VWA8: variants seen among roughly 807,000 people sequenced by gnomAD.
VWA8 encodes the protein von Willebrand factor A domain containing 8.
Under a neutral mutation model 241.5 loss-of-function variants are expected in VWA8, and 221 were observed. The observed-to-expected ratio is 0.91, with a 90% CI of 0.82 to 1.02. VWA8 has a LOEUF of 1.02. Ranked by LOEUF, VWA8 falls within the 50% of genes least tolerant of loss-of-function variation. The pLI is 0.00. For missense variants in VWA8, 2,322 were observed against 2,328.7 expected, an observed-to-expected ratio of 1.00 and a Z score of 0.06; for synonymous variants, 852 against 827.1, an observed-to-expected ratio of 1.03 and a Z score of -0.52.
At chr13:41,950,533 T>A (rs1878081588) in intron 1 of VWA8, among the ~76,000 whole-genome samples, 1 of 151,740 alleles carries the variant, frequency 6.6e-6, no homozygotes, top group South Asian at 2.1e-4. Flanking sequence ...CATGCCCAGC[T>A]AGCTTTTTGT....
At chr13:41,849,404 T>G (rs1163161887) in intron 12 of VWA8, among the ~76,000 whole-genome samples, 1 of 152,222 alleles carries the variant, frequency 6.6e-6, no homozygotes, top group African/African-American at 2.4e-5. Context: ...TTTTTCAATA[T>G]ATTTCCCACA....
At chr13:41,610,872 A>T (rs1170368418) in intron 39 of VWA8, among the ~76,000 whole-genome samples, 1 of 152,188 alleles carries the variant, frequency 6.6e-6, no homozygotes, top group African/African-American at 2.4e-5. Flanking sequence ...GTAGTGGCCC[A>T]GAACAGCTGG....
At chr13:41,624,950 C>G (rs189288900) in intron 37 of VWA8, among the ~76,000 whole-genome samples, 1 of 152,320 alleles carries the variant, frequency 6.6e-6, no homozygotes, top group Non-Finnish European at 1.5e-5. Flanking sequence ...GCTCCTAGAA[C>G]TGATAAACAA....
intron 12 of VWA8, among the ~76,000 whole-genome samples, chr13:41,863,635 T>A (rs116344519): frequency 4.0e-4 from 61 of 151,622 alleles, no homozygotes; most frequent in African/African-American, 1.5e-3. Flanking sequence ...TGGAAAACCA[T>A]GCAGCCATAA....
At chr13:41,772,329 G>A (rs908971153) in intron 20 of VWA8, among the ~76,000 whole-genome samples, 2 of 152,170 alleles carry the variant, frequency 1.3e-5, no homozygotes, top group African/African-American at 4.8e-5. Flanking sequence ...CTGGGAAGGT[G>A]GGGAAGGCAG....
intron 29 of VWA8, among the ~76,000 whole-genome samples, chr13:41,696,916 C>T (rs1266338628): frequency 6.6e-6 from 1 of 152,230 alleles, no homozygotes; most frequent in African/African-American, 2.4e-5. Context: ...TTTACATTCA[C>T]TCCCTTGGTG....
At position 41,657,531 on chromosome 13, in the gene VWA8, G is replaced by A. The variant is rs886388150; in HGVS notation, c.4611+13415C>T. Among the ~76,000 whole-genome samples the A allele has an allele frequency of 3.6e-4, 53 of 146,638 alleles. 1 individual carries two copies. Among genetic ancestry groups the A allele is most frequent in the Admixed American group, 3.3e-3 (48 of 14,486 alleles). ...GGAGTCTCACTCTGTCGCCCAGGCC[G>A]GACTGCGGACTGCAGTGGCACAATC... On this transcript the variant is annotated intron_variant, in intron 37 of 44. Transcript: ENST00000379310.
At chr13:41,822,870 T>A (rs1441956994) in intron 14 of VWA8, among the ~76,000 whole-genome samples, 2 of 152,128 alleles carry the variant, frequency 1.3e-5, no homozygotes, top group Admixed American at 1.3e-4. Context: ...ACACACTATG[T>A]GATTCCATTT....
At chr13:41,950,804 G>T (rs1295899407) in intron 1 of VWA8, among the ~76,000 whole-genome samples, 1 of 151,748 alleles carries the variant, frequency 6.6e-6, no homozygotes, top group Non-Finnish European at 1.5e-5. Context: ...GAGTAGCTGG[G>T]ATTACAGGTA....
intron 12 of VWA8, among the ~76,000 whole-genome samples, chr13:41,844,762 G>A (rs1168082274): frequency 8.6e-5 from 13 of 151,368 alleles, no homozygotes; most frequent in Admixed American, 8.6e-4. Context: ...CAAGCTGAAT[G>A]TGTCAGGAAC....
chr13:41,646,890 G>A (rs2044835837), intron 37 of VWA8, among the ~76,000 whole-genome samples: 1 of 152,186 alleles, frequency 6.6e-6, no homozygotes, highest in Admixed American at 6.5e-5. Context: ...GCTTGCCCTA[G>A]TGGCTCACGT....
intron 21 of VWA8, among the ~76,000 whole-genome samples, chr13:41,737,058 G>A (rs925728150): frequency 2.0e-5 from 3 of 151,870 alleles, no homozygotes; most frequent in African/African-American, 7.3e-5. Flanking sequence ...TTGAACTCCC[G>A]ACCTCAGGTG....
chr13:41,582,776 G>A (rs1232983581), intron 42 of VWA8, among the ~76,000 whole-genome samples: 1 of 152,162 alleles, frequency 6.6e-6, no homozygotes, highest in Non-Finnish European at 1.5e-5. Flanking sequence ...GCCACTGAAT[G>A]TATGTGCATC....
intron 35 of VWA8, among the ~76,000 whole-genome samples, chr13:41,684,134 G>A (rs748703981): frequency 1.3e-5 from 2 of 151,950 alleles, no homozygotes. Flanking sequence ...TTATTCATCT[G>A]CCTCTTCTAC....
At chr13:41,703,458 T>C (rs758264038) in intron 26 of VWA8, 47 bp from the exon 27 acceptor site, 2 of 1,560,394 alleles carry the variant, frequency 1.3e-6, no homozygotes, top group Non-Finnish European at 1.8e-6. Context: ...TGTACCCAAG[T>C]CATAGAAAAA....
In VWA8 at chr13:41,722,631, T is replaced by C. The variant is rs78491676; in HGVS notation, c.2759-1056A>G. 8.2e-3 allele frequency among the ~76,000 whole-genome samples: 1,249 copies of C among 152,274 alleles called. 15 individuals carry two copies. The highest frequency in any genetic ancestry group is 0.029 in the African/African-American group (1,197 of 41,550). On this transcript the variant is annotated intron_variant, in intron 24 of 44. Transcript: ENST00000379310. ...CCTATCACTAACATAAAAAGACAAT[T>C]GACCCCTCATTCATTTACTCATCAA...
At chr13:41,685,778 C>T (rs2137812182) in intron 34 of VWA8, among the ~76,000 whole-genome samples, 1 of 152,176 alleles carries the variant, frequency 6.6e-6, no homozygotes, top group South Asian at 2.1e-4. Flanking sequence ...TTTTAAAGCC[C>T]TGGGAGGGCT....
At chr13:41,690,629 G>T (rs2137816629) in intron 32 of VWA8, among the ~76,000 whole-genome samples, 1 of 152,196 alleles carries the variant, frequency 6.6e-6, no homozygotes, top group South Asian at 2.1e-4. Context: ...TCTGATTTGT[G>T]ATCAGCTAGG....
At position 41,744,587 on chromosome 13, in the gene VWA8, TAAAAC is replaced by T. The variant is rs67574276; in HGVS notation, c.2427-12437_2427-12433del. ...AATAAGGAATGGCATTTTATAAAAC[TAAAAC>T]AAAACAAAACAAAACAAAACACCAT... On this transcript the variant is annotated intron_variant, in intron 21 of 44. Coordinates refer to ENST00000379310, the MANE Select transcript of VWA8 (RefSeq NM_015058.2). 2.4e-4 allele frequency among the ~76,000 whole-genome samples: 37 copies of T among 151,202 alleles called. No individual in the cohort carries two copies. The East Asian group carries it at 3.3e-3, about 14-fold the overall frequency.
Sources: gnomAD v4.1 joint callset for allele counts (sites outside exome capture counted in the v4.1 genomes callset) on GRCh38, gnomAD v4.1.1 for gene constraint, MANE v1.5 for transcripts, NCBI Gene and HGNC (gene_info 2026-07-23, HGNC 2026-07-21) for gene names.